The following PKD1 variants were observed in gnomAD, a reference collection of about 807,000 sequenced individuals.
The protein encoded by PKD1 is polycystin-1.
A neutral mutation model predicts 361.7 loss-of-function variants in PKD1; 81 were observed. That is an observed-to-expected ratio of 0.22 (90% CI 0.19 to 0.27). The LOEUF (loss-of-function observed/expected upper bound fraction) is 0.27. PKD1 is among the 10% of genes least tolerant of loss of function. PKD1 has a pLI of 1.00. For synonymous variants in PKD1, 3,615 were observed against 2,818.3 expected, an observed-to-expected ratio of 1.28 and a Z score of -8.95; for missense variants, 6,399 against 6,118.3, an observed-to-expected ratio of 1.05 and a Z score of -1.53.
rs200782383 is a variant in PKD1, at chr16:2,108,987, G to A, written c.6180C>T (p.Ala2060=). The change falls in exon 15 of 46, where the codon GCC becomes GCT. Residue 2060 remains alanine (A), a synonymous_variant. Transcript: ENST00000262304. ...NRTLVLEVQD[A]VQYVALQSGP... ...CGCTCTGCAGGGCCACATACTGGAC[G>A]GCGTCCTGAACCTCCAGCACCAGCG... 71 of 1,610,300 alleles carry A rather than the reference G, an allele frequency of 4.4e-5. No homozygotes were observed. The Admixed American group carries it at 5.3e-4, about 12-fold the overall frequency.
intron 37 of PKD1, 81 bp from the exon 38 acceptor site, chr16:2,093,174 G>C (rs539967891): frequency 2.0e-6 from 3 of 1,533,472 alleles, no homozygotes; most frequent in South Asian, 2.2e-5. Context: ...TGGAGCCATG[G>C]CTGCGGCAGG....
intron 16 of PKD1, 171 bp downstream of exon 16, chr16:2,107,712 G>C (rs2092392544): frequency 1.5e-6 from 1 of 682,292 alleles, no homozygotes; most frequent in Non-Finnish European, 2.6e-6. Flanking sequence ...AACTGTGGCA[G>C]GTTTGGAAGG....
At position 2,103,810 on chromosome 16, in the gene PKD1, C is replaced by T. The variant is rs143265128; in HGVS notation, c.8247G>A (p.Ala2749=). Residue 2749 remains alanine (A), a synonymous_variant, in exon 23 of 46, where the codon GCG becomes GCA. Coordinates refer to ENST00000262304, the MANE Select transcript of PKD1 (RefSeq NM_001009944.3). The stretch of plus-strand genomic sequence containing the variant: ...CAGAGGTCAGGTTGTAGGCCTGGGA[C>T]GCCACCATCCGAGATGGTGACTCGG... ...LGAESPSRMV[A]SQAYNLTSAL... 1.1e-3 allele frequency: 1,762 copies of T among 1,608,824 alleles called. 2 individuals are homozygous for T. Among genetic ancestry groups the T allele is most frequent in the Admixed American group, 1.9e-3 (114 of 59,896 alleles).
Position 2,090,477 on chromosome 16 carries a change from G to GGGTGACAGGTGCCAGGACTCGGCA in PKD1, c.12228_12251dup (p.Ala4077_Pro4084dup). Reference sequence around the variant, plus strand: ...GTGCCCAGAGCCCCACACACAGCAGGGGTGACAGGTGCCAGGACTCGGCAG... The same window carrying GGGTGACAGGTGCCAGGACTCGGCA: ...GTGCCCAGAGCCCCACACACAGCAGGGGTGACAGGTGCCAGGACTCGGCAGGTGACAGGTGCCAGGACTCGGCAG... On this transcript the variant is annotated inframe_insertion, in exon 45 of 46. Transcript: ENST00000262304. The GGGTGACAGGTGCCAGGACTCGGCA allele has an allele frequency of 6.2e-7, 1 of 1,612,202 alleles. No individual in the cohort carries two copies. The highest frequency in any genetic ancestry group is 8.5e-7 in the Non-Finnish European group (1 of 1,179,750).
chr16:2,112,624 G>C (rs1004607725), intron 13 of PKD1, 151 bp from the exon 14 acceptor site: 1 of 1,012,544 alleles, frequency 9.9e-7, no homozygotes. Flanking sequence ...GGCCTCTCCC[G>C]GCTCCCGTGC....
chr16:2,106,029 G>A lies in PKD1; in HGVS notation c.7704-5C>T, dbSNP rs1200928241. 28 of 1,606,522 alleles carry A rather than the reference G, an allele frequency of 1.7e-5. No homozygotes were observed. Among genetic ancestry groups the A allele is most frequent in the South Asian group, 5.5e-5 (5 of 90,986 alleles). ...GGGAGGGTGATGGCCAAAGACCTACGAGCAGAGGGGGGTGGTGAGCAGGTG... is the reference window on the plus strand; with the variant it reads ...GGGAGGGTGATGGCCAAAGACCTACAAGCAGAGGGGGGTGGTGAGCAGGTG... On this transcript the variant is annotated splice_region_variant and splice_polypyrimidine_tract_variant and intron_variant, in intron 19 of 45. Coordinates refer to ENST00000262304, the MANE Select transcript of PKD1 (RefSeq NM_001009944.3). This position sits in a 1 kb window ranked among gnomAD's most constrained non-coding sequence, Gnocchi z 6.5.
Position 2,104,765 on chromosome 16 carries a change from T to C in PKD1, c.8017-123A>G, listed in dbSNP as rs568453495. 7.7e-5 allele frequency: 60 copies of C among 781,552 alleles called. No individual in the cohort carries two copies. The African/African-American group carries it at 9.1e-4, about 12-fold the overall frequency. The allele number at this position is 781,552 out of a possible 1,614,324, so 48.4% of individuals were successfully genotyped here. On this transcript the variant is annotated intron_variant, in intron 21 of 45. Transcript: ENST00000262304. ...CCTGCAGCTGGAGAGCCCACTTGAC[T>C]GGACCCCCACAGCCTCCTCACTAAG... is the stretch of plus-strand genomic sequence containing the variant.
At chr16:2,115,076 G>C in intron 10 of PKD1, 151 bp from the exon 11 acceptor site, 1 of 1,489,694 alleles carries the variant, frequency 6.7e-7, no homozygotes, top group Non-Finnish European at 8.9e-7. Flanking sequence ...AGGACAGGCA[G>C]GACAGTTGCA....
In PKD1 at chr16:2,100,035, A is replaced by T; in HGVS notation, c.9749T>A (p.Val3250Glu). Residue 3250 changes from valine to glutamate, a missense_variant, in exon 29 of 46, where the codon GTG becomes GAG. Physicochemically the swap from Val to Glu is moderately radical, Grantham distance 121. Coordinates refer to ENST00000262304, the MANE Select transcript of PKD1 (RefSeq NM_001009944.3). The surrounding 1 kb of genome is among the most constrained non-coding windows in gnomAD (Gnocchi z 4.4). The stretch of plus-strand genomic sequence containing the variant: ...AAAGAAGCCACGCTGCAGCTCAGCC[A>T]CCAGCAGGCGCCGGAAGCGCAAAAG... Reference protein sequence around the residue: ...AALLRFRRLLVAELQRGFFDK... With the variant: ...AALLRFRRLLEAELQRGFFDK... 3.2e-6 allele frequency: 5 copies of T among 1,583,886 alleles called. No individual in the cohort carries two copies. The highest frequency in any genetic ancestry group is 3.4e-6 in the Non-Finnish European group (4 of 1,166,592).
chr16:2,091,390 G>A (rs193263825), intron 42 of PKD1, 33 bp downstream of exon 42: 3 of 1,086,846 alleles, frequency 2.8e-6, no homozygotes, highest in Non-Finnish European at 3.4e-6. Flanking sequence ...GCTGCCGGTG[G>A]GAGGCGCGGG....
At position 2,091,771 on chromosome 16, in the gene PKD1, G is replaced by A. The variant is rs2091596005; in HGVS notation, c.11537+10C>T. 1 of 1,609,702 alleles carries A rather than the reference G, an allele frequency of 6.2e-7. No homozygotes were observed. Among genetic ancestry groups the A allele is most frequent in the Non-Finnish European group, 8.5e-7 (1 of 1,179,150 alleles). ...GCCACCCCGGAGAGGGCAGGGGAGG[G>A]AGCTCCCACCTGTTGTCCAGCCAGT... On this transcript the variant is annotated intron_variant, in intron 41 of 45. Transcript: ENST00000262304.
chr16:2,106,988 T>C lies in PKD1; in HGVS notation c.7066-40A>G, dbSNP rs755343462. On this transcript the variant is annotated intron_variant, in intron 16 of 45. Coordinates refer to ENST00000262304, the MANE Select transcript of PKD1 (RefSeq NM_001009944.3). The surrounding 1 kb of genome is among the most constrained non-coding windows in gnomAD (Gnocchi z 6.5). ...GGGTTACCTCCAACACAGGTCTATT[T>C]GGCCTGCTGGAAGGACTGGGGGACC... 1.3e-6 allele frequency: 2 copies of C among 1,572,722 alleles called. No homozygotes were observed. The highest frequency in any genetic ancestry group is 8.6e-7 in the Non-Finnish European group (1 of 1,160,266).
chr16:2,092,941 C>T lies in PKD1; in HGVS notation c.11156+13G>A, dbSNP rs142616270. 19,600 of 1,612,910 alleles carry T rather than the reference C, an allele frequency of 0.012. 153 individuals carry two copies. Among genetic ancestry groups the T allele is most frequent in the Non-Finnish European group, 0.013 (15,893 of 1,179,950 alleles). On this transcript the variant is annotated intron_variant, in intron 38 of 45. Coordinates refer to ENST00000262304, the MANE Select transcript of PKD1 (RefSeq NM_001009944.3). ...AAGCCCAGAAGACAGACCAGTGCACCGGATGCCCGTACCGCGTGATGGCCA... is the reference window on the plus strand; with the variant it reads ...AAGCCCAGAAGACAGACCAGTGCACTGGATGCCCGTACCGCGTGATGGCCA...
chr16:2,125,663 G>A (rs2092788440), intron 1 of PKD1, among the ~76,000 whole-genome samples: 1 of 143,870 alleles, frequency 7.0e-6, no homozygotes, highest in East Asian at 1.9e-4. Flanking sequence ...CTGGAGACGA[G>A]CCCACCTGTG....
intron 1 of PKD1, among the ~76,000 whole-genome samples, chr16:2,125,249 G>A (rs993018050): frequency 2.6e-5 from 4 of 152,196 alleles, no homozygotes; most frequent in Non-Finnish European, 5.9e-5. Context: ...GATGGCTGCT[G>A]GCTCCGCCTA....
rs760560538 is a variant in PKD1, at chr16:2,119,326, G to A, written c.268C>T (p.Leu90Phe). Reference sequence around the variant, plus strand: ...ACTCACAGCTCTGCCAGCGCCGAGAGGTTCGCCAGGAGCCCAACGTCCAGC... The same window carrying A: ...ACTCACAGCTCTGCCAGCGCCGAGAAGTTCGCCAGGAGCCCAACGTCCAGC... ...RALDVGLLAN[L>F]SALAELDISN... Residue 90 changes from leucine to phenylalanine, a missense_variant, in exon 2 of 46, where the codon CTC becomes TTC. Transcript: ENST00000262304. 8.6e-5 allele frequency: 115 copies of A among 1,339,976 alleles called. No individual in the cohort carries two copies. The highest frequency in any genetic ancestry group is 7.6e-4 in the Middle Eastern group (3 of 3,966). 83.0% of individuals were successfully genotyped at this position (1,339,976 alleles called of 1,614,324 possible). A position where few individuals can be genotyped will look rare whatever the true frequency, so the allele number is the denominator to read the frequency against.
At position 2,109,666 on chromosome 16, in the gene PKD1, T is replaced by A; in HGVS notation, c.5501A>T (p.Asn1834Ile). ...PFWGQLATGT[N>I]VSWCWAVPGG... is the part of the protein sequence containing the mutation. ...GGGCACAGCCCAGCACCAGCTCACA[T>A]TGGTGCCCGTGGCCAGCTGCCCCCA... Residue 1834 changes from asparagine to isoleucine, a missense_variant, in exon 15 of 46, where the codon AAT becomes ATT. Physicochemically the swap from Asn to Ile is moderately radical, Grantham distance 149. Coordinates refer to ENST00000262304, the MANE Select transcript of PKD1 (RefSeq NM_001009944.3). 3 of 1,587,692 alleles carry A rather than the reference T, an allele frequency of 1.9e-6. No individual in the cohort carries two copies. The highest frequency in any genetic ancestry group is 2.6e-6 in the Non-Finnish European group (3 of 1,168,142).
chr16:2,109,215 G>A lies in PKD1; in HGVS notation c.5952C>T (p.Ile1984=), dbSNP rs776643869. The A allele has an allele frequency of 1.4e-5, 22 of 1,593,364 alleles. 1 individual carries two copies. Among genetic ancestry groups the A allele is most frequent in the East Asian group, 6.8e-5 (3 of 44,430 alleles). ...TGAAGTTCCTCTCAGTGCCCGTGGC[G>A]ATGCCAGGCTCGCAGCAGTTGGGCA... ...LQVPNCCEPG[I]ATGTERNFTA... Residue 1984 remains isoleucine, a synonymous_variant, in exon 15 of 46, where the codon ATC becomes ATT. Coordinates refer to ENST00000262304, the MANE Select transcript of PKD1 (RefSeq NM_001009944.3).
rs769509393 is a variant in PKD1 at position 2,108,509 on chromosome 16, G to A, written c.6658C>T (p.Arg2220Trp). The change falls in exon 15 of 46, where the codon CGG (arginine) becomes TGG (tryptophan). Residue 2220 changes from arginine to tryptophan, a missense_variant. Arg to Trp is a moderately radical substitution (Grantham distance 101, BLOSUM62 -3). Coordinates refer to ENST00000262304, the MANE Select transcript of PKD1 (RefSeq NM_001009944.3). ...TAGTGCCCCACAGGCAGCGCCAGCC[G>A]CGGCAGCACCAGCCGAGGCCGGCTC... The part of the protein sequence containing the change: ...DVSRPRLVLP[R>W]LALPVGHYCF... 8 of 1,608,674 alleles carry A rather than the reference G, an allele frequency of 5.0e-6. No homozygotes were observed. The highest frequency in any genetic ancestry group is 5.9e-6 in the Non-Finnish European group (7 of 1,179,252).
Sources: allele counts gnomAD v4.1 joint callset (sites outside exome capture counted in the v4.1 genomes callset), GRCh38; gene constraint gnomAD v4.1.1; non-coding constraint Gnocchi (gnomAD v3.1); transcripts MANE v1.5; gene names NCBI Gene and HGNC (gene_info 2026-07-23, HGNC 2026-07-21).